Variants in RRAGB observed in about 807,000 individuals in gnomAD.
RRAGB encodes the protein Ras related GTP binding B, also known as ras-related GTP-binding protein B.
In RRAGB, 6 loss-of-function variants were observed where a neutral mutation model predicts 29.3. The ratio of observed to expected loss-of-function variants is 0.21; its 90% CI spans 0.11 to 0.40. The LOEUF is 0.40. Among genes scored for constraint, RRAGB ranks in the 10% least tolerant of loss-of-function variants. RRAGB has a pLI of 1.00. For missense variants in RRAGB, 184 were observed against 272.9 expected (o/e 0.67, Z 2.29); for synonymous variants, 101 against 92.5 (o/e 1.09, Z -0.53).
chrX:55,748,104 G>C (rs751899599), intron 5 of RRAGB, among the ~76,000 whole-genome samples: 2 of 112,785 alleles, frequency 1.8e-5, no homozygotes, highest in African/African-American at 3.2e-5. Context: ...TCCTAACCCC[G>C]AGTGATCCGC....
intron 5 of RRAGB, among the ~76,000 whole-genome samples, chrX:55,744,205 A>G (rs1409430680): frequency 9.2e-6 from 1 of 108,439 alleles, no homozygotes. Context: ...CCTGGCCAAC[A>G]TGGCAAAACC....
chrX:55,751,230 G>A lies in RRAGB; in HGVS notation c.612+34G>A, dbSNP rs1274958775. The A allele has an allele frequency of 7.6e-6, 6 of 792,222 alleles. No homozygotes were observed. The Admixed American group carries it at 8.7e-5, about 11-fold the overall frequency. 65.3% of individuals were successfully genotyped at this position (792,222 alleles called of 1,213,427 possible). On this transcript the variant is annotated intron_variant, in intron 6 of 9. Coordinates refer to ENST00000374941, the MANE Select transcript of RRAGB (RefSeq NM_006064.5). ...GTCTCCCTGAGTTCCCTCATTTTAAGAGCATGAAAAAAAACCTAGAAGGAT... is the reference window on the plus strand; with the variant it reads ...GTCTCCCTGAGTTCCCTCATTTTAAAAGCATGAAAAAAAACCTAGAAGGAT...
At chrX:55,748,147 G>A (rs2034322082) in intron 5 of RRAGB, among the ~76,000 whole-genome samples, 1 of 112,944 alleles carries the variant, frequency 8.9e-6, no homozygotes, top group Non-Finnish European at 1.9e-5. Flanking sequence ...CGGGATTGCA[G>A]AGGGAGTCTC....
intron 5 of RRAGB, among the ~76,000 whole-genome samples, chrX:55,747,669 G>A (rs2034289923): frequency 9.0e-6 from 1 of 111,705 alleles, no homozygotes. Flanking sequence ...GGTATTTTGT[G>A]TATCTCTGCT....
chrX:55,724,807 G>T (rs2033420438), intron 3 of RRAGB, among the ~76,000 whole-genome samples: 1 of 111,607 alleles, frequency 9.0e-6, no homozygotes, highest in Non-Finnish European at 1.9e-5. Flanking sequence ...AAAGAAGGAG[G>T]TACAACTTAG....
At chrX:55,725,406 G>A (rs923441590) in intron 3 of RRAGB, among the ~76,000 whole-genome samples, 1 of 111,858 alleles carries the variant, frequency 8.9e-6, no homozygotes, top group Non-Finnish European at 1.9e-5. Flanking sequence ...AAATACCTGC[G>A]TTCTATTGCT....
intron 5 of RRAGB, among the ~76,000 whole-genome samples, chrX:55,742,916 A>G (rs1219953099): frequency 1.8e-5 from 2 of 112,085 alleles, no homozygotes; most frequent in African/African-American, 6.5e-5. Context: ...GGTCTTCAAA[A>G]GGCCATTCTA....
intron 5 of RRAGB, among the ~76,000 whole-genome samples, chrX:55,736,923 A>G (rs1438295567): frequency 6.2e-5 from 7 of 112,529 alleles, no homozygotes; most frequent in Non-Finnish European, 1.3e-4. Flanking sequence ...TGTGAAAAAT[A>G]TACTGGGGAA....
At chrX:55,745,718 A>T (rs1316510666) in intron 5 of RRAGB, among the ~76,000 whole-genome samples, 1 of 112,129 alleles carries the variant, frequency 8.9e-6, no homozygotes. Flanking sequence ...AATGGGTTCC[A>T]CCTGGCTTTT....
At chrX:55,719,290 CTG>C in intron 1 of RRAGB, 22 bp from the exon 2 acceptor site, 2 of 1,171,517 alleles carry the variant, frequency 1.7e-6, no homozygotes, top group Middle Eastern at 2.3e-4. Context: ...ATCATGGAAA[CTG>C]TTTTTTGGTT....
At chrX:55,752,722 A>G (rs948370072) in intron 6 of RRAGB, among the ~76,000 whole-genome samples, 1 of 111,716 alleles carries the variant, frequency 9.0e-6, no homozygotes, top group Non-Finnish European at 1.9e-5. Flanking sequence ...AAAAGAGCCT[A>G]CAAGAATAGA....
At chrX:55,750,184 ATGTGTGTGTGTGTGTG>A (rs141091954) in intron 5 of RRAGB, among the ~76,000 whole-genome samples, 2 of 93,979 alleles carry the variant, frequency 2.1e-5, no homozygotes, top group African/African-American at 3.9e-5. Context: ...ATACATACGT[ATGTGTGTGTGTGTGTG>A]TGTGTGTGTG....
At position 55,731,765 on chromosome X, in the gene RRAGB, A is replaced by G. The variant is rs1436947331; in HGVS notation, c.516+179A>G. The G allele has an allele frequency of 5.3e-5, 21 of 396,717 alleles. No homozygotes were observed. The Admixed American group carries it at 6.8e-4, about 13-fold the overall frequency. The allele number at this position is 396,717 out of a possible 1,213,427, so 32.7% of individuals were successfully genotyped here. A position where few individuals can be genotyped will look rare whatever the true frequency, so the allele number is the denominator to read the frequency against. ...CTTTTAAACACATTTTCAATAAGGG[A>G]AAGATTTATTAGTAAATAATTTTCA... is the stretch of plus-strand genomic sequence containing the variant. On this transcript the variant is annotated intron_variant, in intron 5 of 9. Coordinates refer to ENST00000374941, the MANE Select transcript of RRAGB (RefSeq NM_006064.5).
chrX:55,719,782 A>C (rs934139621), intron 2 of RRAGB, among the ~76,000 whole-genome samples: 7 of 112,274 alleles, frequency 6.2e-5, no homozygotes, highest in African/African-American at 2.3e-4. Context: ...TGTTACCACT[A>C]TAAGGTCTTA....
chrX:55,726,378 C>T (rs1040942387), intron 3 of RRAGB, among the ~76,000 whole-genome samples: 5 of 110,963 alleles, frequency 4.5e-5, no homozygotes, highest in East Asian at 2.8e-4. Context: ...CGTGCATATG[C>T]GGAGAGACAT....
chrX:55,755,444 T>G, intron 7 of RRAGB: 1 of 746,674 alleles, frequency 1.3e-6, no homozygotes, highest in African/African-American at 2.3e-5. Flanking sequence ...TTTATTAAAA[T>G]TAAACACATG....
chrX:55,744,963 A>G (rs1408738844), intron 5 of RRAGB, among the ~76,000 whole-genome samples: 1 of 111,810 alleles, frequency 8.9e-6, no homozygotes. Context: ...GAGGCTTGCT[A>G]GATGTTGTGC....
In RRAGB at chrX:55,731,548, C is replaced by T; in HGVS notation, c.478C>T (p.His160Tyr). The stretch of plus-strand genomic sequence containing the variant: ...AGATGCCAAAATATTTTGCTTGGTA[C>T]ACAAAATGGATCTGGTACAGGAGGA... ...SPDAKIFCLVHKMDLVQEDQR... is the reference protein window; with the variant it reads ...SPDAKIFCLVYKMDLVQEDQR... Residue 160 changes from histidine to tyrosine, a missense_variant, in exon 5 of 10, where the codon CAC becomes TAC. His to Tyr is a moderately conservative substitution (Grantham distance 83). Transcript: ENST00000374941. The T allele has an allele frequency of 8.3e-7, 1 of 1,204,245 alleles. No homozygotes were observed. Among genetic ancestry groups the T allele is most frequent in the Non-Finnish European group, 1.1e-6 (1 of 890,728 alleles).
intron 5 of RRAGB, among the ~76,000 whole-genome samples, chrX:55,741,567 G>A (rs987272571): frequency 3.6e-5 from 4 of 111,508 alleles, no homozygotes; most frequent in Non-Finnish European, 7.5e-5. Context: ...TACAAAAACC[G>A]CACCTAGTTA....
Sources: gnomAD v4.1 joint callset for allele counts (sites outside exome capture counted in the v4.1 genomes callset) on GRCh38, gnomAD v4.1.1 for gene constraint, MANE v1.5 for transcripts, NCBI Gene and HGNC (gene_info 2026-07-23, HGNC 2026-07-21) for gene names.